Variants in CFAP44 observed in about 807,000 individuals in gnomAD.
CFAP44 encodes cilia- and flagella-associated protein 44.
A neutral mutation model predicts 216.2 loss-of-function variants in CFAP44; 134 were observed. That is an observed-to-expected ratio of 0.62 (90% CI 0.54 to 0.72). The LOEUF is 0.72. Among genes scored for constraint, CFAP44 ranks in the 30% least tolerant of loss-of-function variants. The pLI is 0.00. For synonymous variants in CFAP44, 700 were observed against 727.6 expected (o/e 0.96, Z 0.61); for missense variants, 2,035 against 2,182.1 (o/e 0.93, Z 1.34).
intron 3 of CFAP44, 133 bp downstream of exon 3, chr3:113,427,054 T>C: frequency 1.0e-6 from 1 of 988,254 alleles, no homozygotes; most frequent in Non-Finnish European, 1.5e-6. Flanking sequence ...AAATATGTAC[T>C]TGTCCTTTTA....
intron 16 of CFAP44, among the ~76,000 whole-genome samples, chr3:113,379,998 C>G (rs58479072): frequency 0.052 from 7,918 of 152,192 alleles, 355 homozygotes; most frequent in African/African-American, 0.12. Context: ...TCATTCTGTT[C>G]ACCCTTCAGA....
intron 24 of CFAP44, 58 bp downstream of exon 24, chr3:113,341,686 A>T (rs1416319588): frequency 1.9e-5 from 26 of 1,358,614 alleles, no homozygotes; most frequent in Non-Finnish European, 2.3e-5. Flanking sequence ...TTTTTAAGAT[A>T]TATTATTTTG....
intron 22 of CFAP44, among the ~76,000 whole-genome samples, chr3:113,350,746 T>C (rs866381192): frequency 1.1e-4 from 16 of 152,228 alleles, no homozygotes; most frequent in African/African-American, 2.2e-4. Context: ...AAATAACTTT[T>C]AGAGGTAACC....
At chr3:113,388,190 T>C (rs531424781) in intron 15 of CFAP44, among the ~76,000 whole-genome samples, 4 of 152,150 alleles carry the variant, frequency 2.6e-5, no homozygotes, top group Admixed American at 6.6e-5. Flanking sequence ...TGAGCAAACA[T>C]AGGCAGTAGC....
intron 24 of CFAP44, among the ~76,000 whole-genome samples, chr3:113,338,255 C>CAAAAAAAAAAAAAAAAAAAAAAAAA (rs10574877): frequency 1.6e-4 from 7 of 43,046 alleles, no homozygotes; most frequent in Admixed American, 3.9e-4. Flanking sequence ...GACAATGTCT[C>CAAAAAAAAAAAAAAAAAAAAAAAAA]AAAAAAAAAA....
chr3:113,323,330 G>A (rs1412162702), intron 28 of CFAP44, among the ~76,000 whole-genome samples: 1 of 152,190 alleles, frequency 6.6e-6, no homozygotes, highest in Non-Finnish European at 1.5e-5. Flanking sequence ...GGATGGAGCT[G>A]GAGGTGATAA....
intron 24 of CFAP44, among the ~76,000 whole-genome samples, chr3:113,338,255 C>CAAAAAAAAAAA (rs10574877): frequency 4.4e-4 from 19 of 43,046 alleles, no homozygotes; most frequent in Middle Eastern, 0.028. Flanking sequence ...GACAATGTCT[C>CAAAAAAAAAAA]AAAAAAAAAA....
chr3:113,424,208 C>T (rs1390852770), intron 4 of CFAP44, among the ~76,000 whole-genome samples: 5 of 152,016 alleles, frequency 3.3e-5, no homozygotes, highest in East Asian at 1.9e-4. Flanking sequence ...GAGGCCAAGG[C>T]GGGCAGATCA....
intron 6 of CFAP44, among the ~76,000 whole-genome samples, chr3:113,413,516 GT>G (rs1399378464): frequency 1.3e-5 from 2 of 152,154 alleles, no homozygotes; most frequent in African/African-American, 4.8e-5. Context: ...TTACATTTAA[GT>G]CTTTAATCCA....
At chr3:113,336,940 G>A (rs1950286644) in intron 24 of CFAP44, among the ~76,000 whole-genome samples, 1 of 151,606 alleles carries the variant, frequency 6.6e-6, no homozygotes, top group Admixed American at 6.6e-5. Context: ...TCTTCCCACT[G>A]TATTTCAATA....
chr3:113,327,902 G>A (rs942893002), intron 26 of CFAP44, 83 bp from the exon 27 acceptor site: 52 of 1,289,468 alleles, frequency 4.0e-5, no homozygotes, highest in Middle Eastern at 2.7e-4. Flanking sequence ...TAATTTGTAT[G>A]AAGTCATTTT....
intron 3 of CFAP44, 85 bp downstream of exon 3, chr3:113,427,102 T>G: frequency 7.0e-7 from 1 of 1,421,848 alleles, no homozygotes; most frequent in Non-Finnish European, 9.7e-7. Context: ...ACATTTTTCT[T>G]TCTATGGATT....
rs1405862873 is a variant in CFAP44 at position 113,333,390 on chromosome 3, A to T, written c.3615+16T>A. 2.3e-5 allele frequency: 35 copies of T among 1,532,790 alleles called. No homozygotes were observed. Among genetic ancestry groups the T allele is most frequent in the Non-Finnish European group, 2.9e-5 (33 of 1,145,816 alleles). 94.9% of individuals were successfully genotyped at this position (1,532,790 alleles called of 1,614,324 possible). ...AGGGTGCCTTCTCCATTGTCATAAAATCTGTAGATAAGTACCAAAGAATCT... is the reference window on the plus strand; with the variant it reads ...AGGGTGCCTTCTCCATTGTCATAAATTCTGTAGATAAGTACCAAAGAATCT... On this transcript the variant is annotated intron_variant, in intron 25 of 34. Transcript: ENST00000393845.
intron 23 of CFAP44, among the ~76,000 whole-genome samples, chr3:113,343,059 C>CTTT (rs397990837): frequency 4.6e-4 from 49 of 106,740 alleles, no homozygotes; most frequent in East Asian, 8.8e-4. Flanking sequence ...TTCTTTCTTT[C>CTTT]TTTTTTTTTT....
At chr3:113,424,724 T>C (rs1222293364) in intron 4 of CFAP44, among the ~76,000 whole-genome samples, 5 of 152,164 alleles carry the variant, frequency 3.3e-5, no homozygotes, top group Admixed American at 1.3e-4. Context: ...TTTCCTGGTG[T>C]TGAAAATGTT....
intron 17 of CFAP44, among the ~76,000 whole-genome samples, chr3:113,374,712 G>C (rs1023793996): frequency 6.6e-6 from 1 of 152,168 alleles, no homozygotes; most frequent in African/African-American, 2.4e-5. Context: ...TCGGCTCACT[G>C]CAACTTCCAC....
At chr3:113,318,419 T>C (rs1452945219) in intron 28 of CFAP44, among the ~76,000 whole-genome samples, 1 of 152,088 alleles carries the variant, frequency 6.6e-6, no homozygotes, top group East Asian at 1.9e-4. Flanking sequence ...CTCTGAAACA[T>C]ATGAGATTCT....
At chr3:113,342,401 A>G (rs527997119) in intron 23 of CFAP44, among the ~76,000 whole-genome samples, 78 of 152,302 alleles carry the variant, frequency 5.1e-4, no homozygotes, top group South Asian at 1.7e-3. Flanking sequence ...CAACCCCATA[A>G]TAAGTACTGT....
At chr3:113,413,523 A>T (rs1018207445) in intron 6 of CFAP44, among the ~76,000 whole-genome samples, 4 of 152,108 alleles carry the variant, frequency 2.6e-5, no homozygotes, top group African/African-American at 9.7e-5. Context: ...TAAGTCTTTA[A>T]TCCATCTTGA....
Sources: allele counts gnomAD v4.1 joint callset (sites outside exome capture counted in the v4.1 genomes callset), GRCh38; gene constraint gnomAD v4.1.1; transcripts MANE v1.5; gene names NCBI Gene and HGNC (gene_info 2026-07-23, HGNC 2026-07-21).